Variants in SEC16B observed in about 807,000 individuals in gnomAD.
SEC16B encodes SEC16 homolog B, endoplasmic reticulum export factor, also known as protein transport protein Sec16B.
SEC16B carries 115 observed loss-of-function variants against 141.8 expected under a neutral mutation model. The observed-to-expected ratio is 0.81, with a 90% CI of 0.70 to 0.95. SEC16B has a LOEUF of 0.95. Among genes scored for constraint, SEC16B ranks in the 40% least tolerant of loss-of-function variants. SEC16B has a pLI of 0.00. For missense variants in SEC16B, 1,291 were observed against 1,312.3 expected, an observed-to-expected ratio of 0.98 and a Z score of 0.25; for synonymous variants, 493 against 492.5, an observed-to-expected ratio of 1.00 and a Z score of -0.01.
At chr1:177,958,707 A>AT (rs1405621507) in intron 9 of SEC16B, 133 bp downstream of exon 9, 4 of 1,192,508 alleles carry the variant, frequency 3.4e-6, no homozygotes, top group Middle Eastern at 5.8e-4. Context: ...CATTTGAGCA[A>AT]TTTTTTCCCT....
At chr1:177,976,030 TG>T (rs1654157828) in intron 1 of SEC16B, among the ~76,000 whole-genome samples, 1 of 152,218 alleles carries the variant, frequency 6.6e-6, no homozygotes, top group Non-Finnish European at 1.5e-5. Flanking sequence ...GTGCCAGTCC[TG>T]GGATTGTTAC....
chr1:177,973,232 G>C (rs780190440), upstream of SEC16B: 8 of 152,200 alleles, frequency 5.3e-5, no homozygotes, highest in Non-Finnish European at 7.3e-5. Context: ...CTTGAGCACT[G>C]TGATTTAATG....
At chr1:177,957,131 T>C (rs952008352) in intron 10 of SEC16B, among the ~76,000 whole-genome samples, 3 of 152,190 alleles carry the variant, frequency 2.0e-5, no homozygotes, top group African/African-American at 7.2e-5. Flanking sequence ...TAAAAGTGCA[T>C]GCCCTTTATA....
At chr1:177,947,226 T>C (rs1283751417) in intron 13 of SEC16B, among the ~76,000 whole-genome samples, 1 of 152,182 alleles carries the variant, frequency 6.6e-6, no homozygotes, top group Non-Finnish European at 1.5e-5. Context: ...CTTGGCTAAA[T>C]TTGAGAACCA....
intron 20 of SEC16B, 135 bp from the exon 21 acceptor site, chr1:177,933,771 A>G (rs1650631200): frequency 6.8e-6 from 6 of 878,120 alleles, no homozygotes; most frequent in Admixed American, 2.6e-5. Context: ...CTGAAGAGGA[A>G]GGAAGGCTCA....
chr1:177,978,727 A>AT (rs1206818103), intron 1 of SEC16B, among the ~76,000 whole-genome samples: 7 of 145,034 alleles, frequency 4.8e-5, no homozygotes, highest in Non-Finnish European at 1.5e-5. Flanking sequence ...AAATAAATAA[A>AT]TAAATAAATA....
chr1:177,982,625 G>A (rs1404687384), intron 1 of SEC16B, among the ~76,000 whole-genome samples: 1 of 152,220 alleles, frequency 6.6e-6, no homozygotes, highest in African/African-American at 2.4e-5. Flanking sequence ...GGACTGAACT[G>A]ATGGTGAGGA....
At chr1:177,931,394 A>C (rs915285085) in intron 24 of SEC16B, among the ~76,000 whole-genome samples, 4 of 152,182 alleles carry the variant, frequency 2.6e-5, no homozygotes, top group Admixed American at 6.5e-5. Context: ...ACAGAGTGAC[A>C]TAATGGACTT....
Position 177,965,886 on chromosome 1 carries a change from T to G in SEC16B, c.412+7A>C, listed in dbSNP as rs1653476778. ...ATCCCAGAGGCTTCTTGGAGACTTT[T>G]CCATACCTCTTTCTTCCTGCAGCCA... On this transcript the variant is annotated splice_region_variant and intron_variant, in intron 3 of 25. Transcript: ENST00000308284. 6.4e-7 allele frequency: 1 copy of G among 1,550,658 alleles called. No individual in the cohort carries two copies. Among genetic ancestry groups the G allele is most frequent in the Non-Finnish European group, 8.8e-7 (1 of 1,137,444 alleles).
At chr1:177,948,015 C>A in intron 12 of SEC16B, 73 bp from the exon 13 acceptor site, 1 of 1,207,170 alleles carries the variant, frequency 8.3e-7, no homozygotes, top group Non-Finnish European at 1.2e-6. Flanking sequence ...AGGCTGTTGT[C>A]TATTTCCTGG....
intron 1 of SEC16B, among the ~76,000 whole-genome samples, chr1:177,977,850 A>T (rs1354484698): frequency 1.3e-5 from 2 of 152,232 alleles, no homozygotes; most frequent in African/African-American, 4.8e-5. Context: ...AAAATCGCCT[A>T]ATCTCTATGA....
At chr1:177,959,020 C>T (rs1652859914) in intron 8 of SEC16B, 45 bp from the exon 9 acceptor site, 1 of 1,588,370 alleles carries the variant, frequency 6.3e-7, no homozygotes, top group African/African-American at 1.3e-5. Flanking sequence ...CAGGCAGACA[C>T]TTCCCTGTTT....
intron 7 of SEC16B, 127 bp downstream of exon 7, chr1:177,960,664 A>G: frequency 1.9e-6 from 2 of 1,054,492 alleles, no homozygotes; most frequent in East Asian, 5.2e-5. Flanking sequence ...TACATGGCCC[A>G]GTTTCCCGCA....
At chr1:177,956,390 T>C (rs1652603270) in intron 10 of SEC16B, among the ~76,000 whole-genome samples, 1 of 152,106 alleles carries the variant, frequency 6.6e-6, no homozygotes, top group African/African-American at 2.4e-5. Context: ...TCTGAGGTAT[T>C]TTGTAAAATC....
In SEC16B at chr1:177,960,928, C is replaced by G; in HGVS notation, c.799G>C (p.Ala267Pro). The G allele has an allele frequency of 6.7e-7, 1 of 1,500,160 alleles. No individual in the cohort carries two copies. The highest frequency in any genetic ancestry group is 9.2e-7 in the Non-Finnish European group (1 of 1,087,520). 92.9% of individuals were successfully genotyped at this position (1,500,160 alleles called of 1,614,324 possible). A position where few individuals can be genotyped will look rare whatever the true frequency, so the allele number is the denominator to read the frequency against. Residue 267 changes from alanine to proline, a missense_variant, in exon 7 of 26, where the codon GCT (alanine) becomes CCT (proline). Physicochemically the swap from Ala to Pro is conservative, Grantham distance 27. Transcript: ENST00000308284. ...WSPVQADVSS[A>P]GPKAPMKFYI... ...AACTTCATGGGTGCTTTGGGACCAG[C>G]TGAGGAGACATCTTCTGACCAACAG... is the stretch of plus-strand genomic sequence containing the variant.
upstream of SEC16B, among the ~76,000 whole-genome samples, chr1:177,975,194 A>G (rs191378478): frequency 3.3e-3 from 498 of 152,318 alleles, 1 homozygote; most frequent in Middle Eastern, 0.01. Context: ...GCTGTTATTG[A>G]ACACCTAGGC....
intron 3 of SEC16B, 39 bp from the exon 4 acceptor site, chr1:177,965,206 T>C (rs756206648): frequency 6.2e-7 from 1 of 1,608,764 alleles, no homozygotes; most frequent in Non-Finnish European, 8.5e-7. Context: ...ACAGGTCACT[T>C]CCTGTTTCTG....
intron 1 of SEC16B, among the ~76,000 whole-genome samples, chr1:177,982,833 T>G (rs1654475350): frequency 1.3e-5 from 2 of 152,202 alleles, no homozygotes; most frequent in South Asian, 4.1e-4. Flanking sequence ...TGTCTTTGCC[T>G]CTCAAAAGTC....
intron 5 of SEC16B, among the ~76,000 whole-genome samples, chr1:177,963,090 A>G (rs1278945346): frequency 6.6e-6 from 1 of 152,016 alleles, no homozygotes; most frequent in Non-Finnish European, 1.5e-5. Context: ...CCTGGGCAAC[A>G]CAGTGAGACT....
Sources: gnomAD v4.1 joint callset for allele counts (sites outside exome capture counted in the v4.1 genomes callset) on GRCh38, gnomAD v4.1.1 for gene constraint, MANE v1.5 for transcripts, NCBI Gene and HGNC (gene_info 2026-07-23, HGNC 2026-07-21) for gene names.